KHDRBS1: variants seen among roughly 807,000 people sequenced by gnomAD.
KHDRBS1 encodes KH RNA binding domain containing, signal transduction associated 1.
A neutral mutation model predicts 48.4 loss-of-function variants in KHDRBS1; 7 were observed. The ratio of observed to expected loss-of-function variants is 0.14; its 90% CI spans 0.08 to 0.27. The LOEUF (loss-of-function observed/expected upper bound fraction) is 0.27, where lower values mean the gene tolerates loss of function less well. Among genes scored for constraint, KHDRBS1 ranks in the 10% least tolerant of loss-of-function variants. KHDRBS1 has a pLI of 1.00. For missense variants in KHDRBS1, 458 were observed against 601.2 expected (o/e 0.76, Z 2.49); for synonymous variants, 241 against 235.8 (o/e 1.02, Z -0.20).
At chr1:32,032,825 G>A (rs998369362) in intron 3 of KHDRBS1, among the ~76,000 whole-genome samples, 2 of 152,198 alleles carry the variant, frequency 1.3e-5, no homozygotes, top group Admixed American at 6.5e-5. Flanking sequence ...GAGTAGCTGG[G>A]ATTACAGGCG....
intron 10 of KHDRBS1, among the ~76,000 whole-genome samples, chr1:32,058,538 G>C (rs1417028123): frequency 6.6e-6 from 1 of 152,204 alleles, no homozygotes; most frequent in Admixed American, 6.5e-5. Context: ...TGGGAGGAGG[G>C]GGGGTGTGGA....
At position 32,037,936 on chromosome 1, in the gene KHDRBS1, C is replaced by T. The variant is rs1639215275; in HGVS notation, c.1007C>T (p.Pro336Leu). ...GATVTRGVPP[P>L]PTVRGAPAPR... is the part of the protein sequence containing the mutation. ...ACTGTGACTCGAGGCGTGCCACCCC[C>T]ACCTACTGTGAGGGGTGCTCCAGCA... Residue 336 changes from proline to leucine, a missense_variant, in exon 6 of 9, where the codon CCA becomes CTA. Physicochemically the swap from Pro to Leu is moderately conservative, Grantham distance 98. Around this residue, in one of 3 missense-constraint regions of KHDRBS1, gnomAD observed 171 missense variants for 228.7 expected, o/e 0.75. Transcript: ENST00000327300. 3 of 1,614,252 alleles carry T rather than the reference C, an allele frequency of 1.9e-6. No individual in the cohort carries two copies. Among genetic ancestry groups the T allele is most frequent in the East Asian group, 2.2e-5 (1 of 44,894 alleles).
At chr1:32,030,549 G>A in intron 2 of KHDRBS1, 127 bp downstream of exon 2, 1 of 648,460 alleles carries the variant, frequency 1.5e-6, no homozygotes, top group Non-Finnish European at 2.4e-6. Flanking sequence ...TCTCTTTCAT[G>A]CTTGTAGTAC....
In KHDRBS1 at chr1:32,014,337, C is replaced by G. The variant is rs1638691250; in HGVS notation, c.342C>G (p.Leu114=). 1 of 1,541,012 alleles carries G rather than the reference C, an allele frequency of 6.5e-7. No individual in the cohort carries two copies. The highest frequency in any genetic ancestry group is 1.2e-5 in the South Asian group (1 of 82,624). The change falls in exon 1 of 9, where the codon CTC becomes CTG. Residue 114 remains leucine (L), a synonymous_variant. Transcript: ENST00000327300. ...LPELMAEKDS[L]DPSFTHAMQL... ...AACTCATGGCCGAGAAGGACTCGCT[C>G]GACCCGTCCTTCACTCACGCCATGC...
At chr1:32,030,676 C>CTA (rs1439114109) in intron 2 of KHDRBS1, among the ~76,000 whole-genome samples, 2 of 151,936 alleles carry the variant, frequency 1.3e-5, no homozygotes, top group Admixed American at 6.6e-5. Flanking sequence ...ATTGCTCAGG[C>CTA]TACAAGTTCA....
At chr1:32,022,259 A>G (rs918959134) in intron 1 of KHDRBS1, among the ~76,000 whole-genome samples, 1 of 152,044 alleles carries the variant, frequency 6.6e-6, no homozygotes, top group Admixed American at 6.6e-5. Flanking sequence ...TGGCCTCCCA[A>G]AGTGCTGGGA....
chr1:32,031,026 A>T (rs1220899376), intron 2 of KHDRBS1, among the ~76,000 whole-genome samples: 3 of 152,280 alleles, frequency 2.0e-5, no homozygotes, highest in South Asian at 2.1e-4. Flanking sequence ...ATGCAGGCAG[A>T]TTGCTTGAGC....
intron 4 of KHDRBS1, among the ~76,000 whole-genome samples, chr1:32,036,163 A>ATTTTTTTTT (rs397742842): frequency 1.7e-5 from 1 of 60,470 alleles, no homozygotes; most frequent in African/African-American, 7.3e-5. Flanking sequence ...CATTTTGAAG[A>ATTTTTTTTT]TTTTTTTTTT....
In KHDRBS1 at chr1:32,042,917, TAAA is replaced by T. The variant is rs575856498; in HGVS notation, c.*299_*301del. The T allele has an allele frequency of 4.8e-3, 867 of 179,578 alleles. 8 individuals are homozygous for T. Among genetic ancestry groups the T allele is most frequent in the African/African-American group, 0.02 (828 of 41,970 alleles). The allele number at this position is 179,578 out of a possible 1,614,324, so 11.1% of individuals were successfully genotyped here. On this transcript the variant is annotated 3_prime_UTR_variant, in exon 9 of 9. Transcript: ENST00000327300. ...ATAAACAGAAGTGTACCTTTTATAA[TAAA>T]AAAAAGAAGTTGAGTAAAAAAAAAA...
intron 1 of KHDRBS1, among the ~76,000 whole-genome samples, chr1:32,021,709 C>T (rs1285525088): frequency 2.0e-5 from 3 of 152,040 alleles, no homozygotes; most frequent in Non-Finnish European, 2.9e-5. Flanking sequence ...CTCTGCTTCC[C>T]GGGTTCAAGC....
chr1:32,024,770 T>G (rs1020236646), intron 1 of KHDRBS1, among the ~76,000 whole-genome samples: 4 of 152,128 alleles, frequency 2.6e-5, no homozygotes, highest in African/African-American at 9.7e-5. Context: ...GAGGTAATAG[T>G]TCTATGGTAT....
In KHDRBS1 at chr1:32,037,840, G is replaced by A. The variant is rs149135885; in HGVS notation, c.911G>A (p.Arg304His). 2 of 1,613,044 alleles carry A rather than the reference G, an allele frequency of 1.2e-6. No individual in the cohort carries two copies. Among genetic ancestry groups the A allele is most frequent in the African/African-American group, 1.3e-5 (1 of 74,920 alleles). Residue 304 changes from arginine (R) to histidine (H), a missense_variant, in exon 6 of 9, where the codon CGT (arginine) becomes CAT (histidine). Physicochemically the swap from Arg to His is conservative, Grantham distance 29 (BLOSUM62 0). This residue lies in a region of KHDRBS1 where 171 missense variants were observed against 228.7 expected (regional missense o/e 0.75). Coordinates refer to ENST00000327300, the MANE Select transcript of KHDRBS1 (RefSeq NM_006559.3). ...APPPPPVPRGRGVGPPRGALV... is the reference protein window; with the variant it reads ...APPPPPVPRGHGVGPPRGALV... ...GATAAACTTTCATTTTGTAGGGGCC[G>A]TGGTGTTGGACCACCTCGGGGGGCT...
rs970503623 is a variant in KHDRBS1 at position 32,020,616 on chromosome 1, TAA to T, written c.382+6255_382+6256del. ...CATACAGTGGAACAGTACTGTGCAATAAAAAAAAAAAAAAAAAGGAACTGTTA... is the reference window on the plus strand; with the variant it reads ...CATACAGTGGAACAGTACTGTGCAATAAAAAAAAAAAAAAAGGAACTGTTA... On this transcript the variant is annotated intron_variant, in intron 1 of 8. Coordinates refer to ENST00000327300, the MANE Select transcript of KHDRBS1 (RefSeq NM_006559.3). 4.8e-3 allele frequency among the ~76,000 whole-genome samples: 369 copies of T among 77,372 alleles called. 2 individuals are homozygous for T. The highest frequency in any genetic ancestry group is 9.8e-3 in the African/African-American group (255 of 26,150). The allele number at this position is 77,372 out of a possible 152,430, so 50.8% of individuals were successfully genotyped here.
intron 1 of KHDRBS1, among the ~76,000 whole-genome samples, chr1:32,026,956 G>A (rs186462255): frequency 2.0e-4 from 30 of 152,232 alleles, no homozygotes; most frequent in Admixed American, 9.2e-4. Context: ...CACCACGCCT[G>A]GCTAATTTTT....
At chr1:32,025,405 A>G (rs1323755469) in intron 1 of KHDRBS1, among the ~76,000 whole-genome samples, 1 of 148,338 alleles carries the variant, frequency 6.7e-6, no homozygotes. Flanking sequence ...GGTTCAAGCA[A>G]TTCTTCTGTC....
chr1:32,057,014 A>AGG (rs1639485592), intron 10 of KHDRBS1, among the ~76,000 whole-genome samples: 1 of 152,214 alleles, frequency 6.6e-6, no homozygotes, highest in African/African-American at 2.4e-5. Context: ...GGGTGCAATG[A>AGG]GGGTATACAA....
At chr1:32,020,916 A>G (rs1638844991) in intron 1 of KHDRBS1, among the ~76,000 whole-genome samples, 1 of 152,168 alleles carries the variant, frequency 6.6e-6, no homozygotes, top group African/African-American at 2.4e-5. Context: ...AGAACTAAGC[A>G]AACAAGTACA....
chr1:32,030,236 A>T, intron 1 of KHDRBS1, 62 bp from the exon 2 acceptor site: 2 of 1,432,572 alleles, frequency 1.4e-6, no homozygotes, highest in Non-Finnish European at 1.9e-6. Context: ...TTATTGCTTT[A>T]AGCAGACTTC....
At position 32,014,147 on chromosome 1, in the gene KHDRBS1, C is replaced by T. The variant is rs960009019; in HGVS notation, c.152C>T (p.Ser51Phe). The change falls in exon 1 of 9, where the codon TCC becomes TTC. Residue 51 changes from serine (S) to phenylalanine (F), a missense_variant. Ser to Phe is a radical substitution (Grantham distance 155). This residue lies in a region of KHDRBS1 where 213 missense variants were observed against 215.6 expected (regional missense o/e 0.99). Transcript: ENST00000327300. Reference protein sequence around the residue: ...PHRSRGGGGGSRGGARASPAT... With the variant: ...PHRSRGGGGGFRGGARASPAT... The stretch of plus-strand genomic sequence containing the variant: ...CGGTCCCGGGGAGGCGGAGGGGGAT[C>T]CCGCGGGGGCGCCCGGGCCTCGCCC... 3 of 1,307,272 alleles carry T rather than the reference C, an allele frequency of 2.3e-6. No individual in the cohort carries two copies. The highest frequency in any genetic ancestry group is 2.9e-6 in the Non-Finnish European group (3 of 1,029,552). The allele number at this position is 1,307,272 out of a possible 1,614,324, so 81.0% of individuals were successfully genotyped here. A position where few individuals can be genotyped will look rare whatever the true frequency, so the allele number is the denominator to read the frequency against.
Sources: gnomAD v4.1 joint callset for allele counts (sites outside exome capture counted in the v4.1 genomes callset) on GRCh38, gnomAD v4.1.1 for gene constraint, gnomAD v4.1.1 regional missense constraint, MANE v1.5 for transcripts, NCBI Gene and HGNC (gene_info 2026-07-23, HGNC 2026-07-21) for gene names.